The following NRXN3 variants were observed in gnomAD, a reference collection of about 807,000 sequenced individuals.
NRXN3 encodes neurexin III.
NRXN3 carries 32 observed loss-of-function variants against 137.6 expected under a neutral mutation model. The observed-to-expected ratio is 0.23, with a 90% CI of 0.18 to 0.31. The LOEUF (loss-of-function observed/expected upper bound fraction) is 0.31. Among genes scored for constraint, NRXN3 ranks in the 10% least tolerant of loss-of-function variants. The pLI, the probability that NRXN3 is intolerant of heterozygous loss-of-function variation, is 1.00. For synonymous variants in NRXN3, 798 were observed against 784.5 expected, an observed-to-expected ratio of 1.02 and a Z score of -0.29; for missense variants, 1,574 against 2,062.5, an observed-to-expected ratio of 0.76 and a Z score of 4.59.
chr14:79,210,910 G>A (rs901108941), intron 15 of NRXN3, among the ~76,000 whole-genome samples: 4 of 152,074 alleles, frequency 2.6e-5, no homozygotes, highest in Admixed American at 6.6e-5. Context: ...CTCTTTAAAC[G>A]ATCCTTTTTC....
rs918157795 is a variant in NRXN3 at position 79,460,308 on chromosome 14, G to T, written c.3263-6913G>T. Among the ~76,000 whole-genome samples the T allele has an allele frequency of 2.6e-5, 4 of 152,058 alleles. No individual in the cohort carries two copies. The East Asian group carries it at 7.7e-4, about 29-fold the overall frequency. Reference sequence around the variant, plus strand: ...CAGCCAAGCATATTTGTAAGAACAGGGTTTGAACATAACCTATTATATCAT... The same window carrying T: ...CAGCCAAGCATATTTGTAAGAACAGTGTTTGAACATAACCTATTATATCAT... On this transcript the variant is annotated intron_variant, in intron 15 of 20. Coordinates refer to ENST00000335750, the MANE Select transcript of NRXN3 (RefSeq NM_001330195.2).
At chr14:79,077,686 G>A (rs553614954) in intron 15 of NRXN3, among the ~76,000 whole-genome samples, 3 of 152,236 alleles carry the variant, frequency 2.0e-5, no homozygotes, top group Non-Finnish European at 4.4e-5. Flanking sequence ...CAGTTGTATT[G>A]CAGATCAGCC....
At chr14:78,942,470 T>A (rs952765905) in intron 10 of NRXN3, among the ~76,000 whole-genome samples, 29 of 152,246 alleles carry the variant, frequency 1.9e-4, no homozygotes, top group African/African-American at 6.8e-4. Flanking sequence ...CCTTGAAGTA[T>A]TTGAAATGAT....
intron 4 of NRXN3, among the ~76,000 whole-genome samples, chr14:78,512,446 A>C (rs767842610): frequency 3.9e-5 from 6 of 152,210 alleles, no homozygotes; most frequent in Non-Finnish European, 5.9e-5. Flanking sequence ...TAAATTCATC[A>C]CATGGCCCCA....
chr14:78,196,131 A>C (rs2061205464), intron 1 of NRXN3, among the ~76,000 whole-genome samples: 1 of 152,198 alleles, frequency 6.6e-6, no homozygotes, highest in African/African-American at 2.4e-5. Flanking sequence ...CACGTCACCC[A>C]GCCAGAAAGT....
intron 15 of NRXN3, among the ~76,000 whole-genome samples, chr14:79,464,379 T>A (rs1001158304): frequency 8.5e-5 from 13 of 152,136 alleles, no homozygotes; most frequent in Non-Finnish European, 1.9e-4. Context: ...GTCTATCCTA[T>A]CAAATATTGT....
chr14:79,240,902 T>G lies in NRXN3; in HGVS notation c.3263-226319T>G, dbSNP rs115770524. On this transcript the variant is annotated intron_variant, in intron 15 of 20. Transcript: ENST00000335750. ...ACCCATGCCATGCAGGTGCAGAATC[T>G]AGAAGTGATATCTTGTTTTCCCCAA... 1.7e-3 allele frequency among the ~76,000 whole-genome samples: 260 copies of G among 152,298 alleles called. 1 individual carries two copies. Among genetic ancestry groups the G allele is most frequent in the African/African-American group, 6.1e-3 (254 of 41,570 alleles).
chr14:78,781,202 C>T (rs973494173), intron 8 of NRXN3, among the ~76,000 whole-genome samples: 1 of 152,046 alleles, frequency 6.6e-6, no homozygotes, highest in Non-Finnish European at 1.5e-5. Context: ...AGCTTGTAAA[C>T]ATTTAAAATA....
At chr14:79,279,644 C>G in intron 15 of NRXN3, 2 of 986,954 alleles carry the variant, frequency 2.0e-6, no homozygotes, top group Non-Finnish European at 2.4e-6. Context: ...AGTTGGGAAA[C>G]CCAGGAAGCC....
At chr14:79,173,022 A>T (rs2370930) in intron 15 of NRXN3, among the ~76,000 whole-genome samples, 89,076 of 151,962 alleles carry the variant, frequency 0.59, 28,380 homozygotes, top group South Asian at 0.73. Context: ...AACCATCCAT[A>T]TAGAAGAAAA....
Position 79,454,596 on chromosome 14 carries a change from T to A in NRXN3, c.3263-12625T>A, listed in dbSNP as rs565163270. 2.4e-4 allele frequency among the ~76,000 whole-genome samples: 37 copies of A among 152,350 alleles called. No homozygotes were observed. The South Asian group carries it at 7.2e-3, about 30-fold the overall frequency. The stretch of plus-strand genomic sequence containing the variant: ...TTGTTTTAATGCTTTATTTTCCTAG[T>A]AACAAATTCTAAAACGATGTTGAAT... On this transcript the variant is annotated intron_variant, in intron 15 of 20. Transcript: ENST00000335750.
intron 17 of NRXN3, among the ~76,000 whole-genome samples, chr14:79,673,591 G>A (rs538196404): frequency 4.6e-5 from 7 of 152,116 alleles, no homozygotes; most frequent in African/African-American, 1.7e-4. Context: ...TCATCACCGG[G>A]GTAGCTCTGA....
chr14:78,307,103 A>G (rs1021929660), intron 4 of NRXN3, among the ~76,000 whole-genome samples: 6 of 152,168 alleles, frequency 3.9e-5, no homozygotes, highest in African/African-American at 1.4e-4. Context: ...GTGAACACAT[A>G]GGGAATTTTT....
intron 15 of NRXN3, among the ~76,000 whole-genome samples, chr14:79,361,376 A>G (rs2093674716): frequency 1.3e-5 from 2 of 152,158 alleles, no homozygotes; most frequent in Non-Finnish European, 1.5e-5. Flanking sequence ...GCTTGTTATA[A>G]ATAGAATGCT....
At chr14:79,716,566 A>C (rs178385) in intron 19 of NRXN3, among the ~76,000 whole-genome samples, 60,710 of 151,786 alleles carry the variant, frequency 0.4, 12,950 homozygotes, top group East Asian at 0.77. Context: ...CTCATGCCTT[A>C]CTTTGGTCTT....
chr14:79,285,847 C>T (rs960262614), intron 15 of NRXN3, among the ~76,000 whole-genome samples: 3 of 151,946 alleles, frequency 2.0e-5, no homozygotes, highest in Non-Finnish European at 2.9e-5. Flanking sequence ...TTCTCCTCAC[C>T]GTGCGCTGCC....
At chr14:78,580,652 TTGGAG>T (rs1161226507) in intron 4 of NRXN3, among the ~76,000 whole-genome samples, 6 of 152,188 alleles carry the variant, frequency 3.9e-5, no homozygotes, top group Admixed American at 3.9e-4. Context: ...TACAGACTCA[TTGGAG>T]AGGTGACTAT....
At chr14:78,921,693 A>G (rs1051308858) in intron 10 of NRXN3, among the ~76,000 whole-genome samples, 1 of 152,220 alleles carries the variant, frequency 6.6e-6, no homozygotes, top group Admixed American at 6.5e-5. Flanking sequence ...CATCTAGGTT[A>G]TACAGCTCAT....
intron 16 of NRXN3, among the ~76,000 whole-genome samples, chr14:79,553,029 C>T (rs2097391467): frequency 6.6e-6 from 1 of 151,958 alleles, no homozygotes; most frequent in South Asian, 2.1e-4. Context: ...GAGAGAGCCC[C>T]TCCCTACACT....
Sources: gnomAD v4.1 joint callset for allele counts (sites outside exome capture counted in the v4.1 genomes callset) on GRCh38, gnomAD v4.1.1 for gene constraint, MANE v1.5 for transcripts, NCBI Gene and HGNC (gene_info 2026-07-23, HGNC 2026-07-21) for gene names.